Variants in NCKAP5 observed in about 807,000 individuals in gnomAD.
NCKAP5 encodes NCK associated protein 5, also known as nck-associated protein 5.
A neutral mutation model predicts 167.0 loss-of-function variants in NCKAP5; 92 were observed. The ratio of observed to expected loss-of-function variants is 0.55; its 90% CI spans 0.47 to 0.66. The LOEUF is 0.66. Among genes scored for constraint, NCKAP5 ranks in the 30% least tolerant of loss-of-function variants. NCKAP5 has a pLI of 0.00. For synonymous variants in NCKAP5, 891 were observed against 877.4 expected (o/e 1.02, Z -0.27); for missense variants, 2,378 against 2,315.0 (o/e 1.03, Z -0.56).
intron 6 of NCKAP5, among the ~76,000 whole-genome samples, chr2:133,041,663 C>G (rs1247215353): frequency 6.6e-6 from 1 of 151,976 alleles, no homozygotes; most frequent in African/African-American, 2.4e-5. Flanking sequence ...CTTCGTCTGC[C>G]AAATGAACTC....
At position 133,145,593 on chromosome 2, in the gene NCKAP5, G is replaced by C. The variant is rs1272291993; in HGVS notation, c.208-15482C>G. On this transcript the variant is annotated intron_variant, in intron 5 of 19. Coordinates refer to ENST00000409261, the MANE Select transcript of NCKAP5 (RefSeq NM_207363.3). Reference sequence around the variant, plus strand: ...TATATGAGCTGGCCTAGGAGGGGAAGAGTAGTAAGTTTATAATCTAAAATT... The same window carrying C: ...TATATGAGCTGGCCTAGGAGGGGAACAGTAGTAAGTTTATAATCTAAAATT... Among the ~76,000 whole-genome samples the C allele has an allele frequency of 2.6e-5, 4 of 152,200 alleles. 1 individual carries two copies. In the East Asian group the frequency reaches 7.7e-4, roughly 29 times the overall value.
intron 8 of NCKAP5, among the ~76,000 whole-genome samples, chr2:132,915,143 C>T (rs908842414): frequency 2.0e-5 from 3 of 151,952 alleles, no homozygotes; most frequent in Non-Finnish European, 4.4e-5. Context: ...AACCTAAGAC[C>T]GGATGGACCA....
In NCKAP5 at chr2:133,130,021, G is replaced by A. The variant is rs766672267; in HGVS notation, c.298C>T (p.Arg100Cys). 1.3e-4 allele frequency: 217 copies of A among 1,610,898 alleles called. No individual in the cohort carries two copies. The highest frequency in any genetic ancestry group is 1.7e-4 in the Non-Finnish European group (201 of 1,178,878). ...AAGCTACGCATCTGAATTCTGTTGC[G>A]TTCAGACTCTAGGGTCACCTCCTGC... ...RLQEVTLESERNRIQMRSLQQ... is the reference protein window; with the variant it reads ...RLQEVTLESECNRIQMRSLQQ... Residue 100 changes from arginine (R) to cysteine (C), a missense_variant, in exon 6 of 20, where the codon CGC becomes TGC. Physicochemically the swap from Arg to Cys is radical, Grantham distance 180 (BLOSUM62 -3). Around this residue, in one of 3 missense-constraint regions of NCKAP5, gnomAD observed 1,049 missense variants for 1,023.4 expected, o/e 1.02. Transcript: ENST00000409261.
At chr2:133,624,817 A>T in the NCKAP5 span, among the ~76,000 whole-genome samples, 1 of 152,190 alleles carries the variant, frequency 6.6e-6, no homozygotes, top group Non-Finnish European at 1.5e-5. Flanking sequence ...ATCCACATAT[A>T]TATCATATTC....
intron 11 of NCKAP5, among the ~76,000 whole-genome samples, chr2:132,846,055 T>G (rs1688639564): frequency 1.3e-5 from 2 of 152,164 alleles, no homozygotes; most frequent in Admixed American, 1.3e-4. Flanking sequence ...AAATCTTTTC[T>G]CAATTACATT....
intron 2 of NCKAP5, among the ~76,000 whole-genome samples, chr2:133,556,429 A>G (rs1192199211): frequency 1.3e-5 from 2 of 152,188 alleles, no homozygotes; most frequent in African/African-American, 2.4e-5. Context: ...ACTTAATCCT[A>G]CTGATTGGTG....
At chr2:133,093,240 T>C (rs2081246218) in intron 6 of NCKAP5, among the ~76,000 whole-genome samples, 1 of 152,192 alleles carries the variant, frequency 6.6e-6, no homozygotes, top group African/African-American at 2.4e-5. Flanking sequence ...AAACCCTAAG[T>C]ATGTGATGGC....
At chr2:133,022,381 C>T (rs2078557458) in intron 6 of NCKAP5, among the ~76,000 whole-genome samples, 1 of 152,152 alleles carries the variant, frequency 6.6e-6, no homozygotes, top group African/African-American at 2.4e-5. Context: ...GCAGGAAATG[C>T]CATTCCAAAA....
intron 6 of NCKAP5, among the ~76,000 whole-genome samples, chr2:133,121,075 C>T (rs4953874): frequency 0.13 from 19,344 of 151,988 alleles, 1,469 homozygotes; most frequent in East Asian, 0.37. Flanking sequence ...ATTTAGATCA[C>T]TATTAGGAGC....
At chr2:133,443,426 T>C (rs1690980655) in intron 3 of NCKAP5, among the ~76,000 whole-genome samples, 1 of 152,222 alleles carries the variant, frequency 6.6e-6, no homozygotes, top group Admixed American at 6.5e-5. Flanking sequence ...TTGGATGATC[T>C]GGTCATGGCA....
chr2:133,601,772 G>T, the NCKAP5 span, among the ~76,000 whole-genome samples: 1 of 152,032 alleles, frequency 6.6e-6, no homozygotes, highest in Non-Finnish European at 1.5e-5. Context: ...CTACCTTGAA[G>T]AACTTTTTAA....
chr2:133,214,716 T>G (rs1463603578), intron 4 of NCKAP5, among the ~76,000 whole-genome samples: 1 of 151,728 alleles, frequency 6.6e-6, no homozygotes, highest in Non-Finnish European at 1.5e-5. Context: ...CCTAAAATGT[T>G]AGCTTTAGTA....
At chr2:133,306,983 C>A (rs1432708608) in intron 3 of NCKAP5, among the ~76,000 whole-genome samples, 1 of 152,178 alleles carries the variant, frequency 6.6e-6, no homozygotes, top group Non-Finnish European at 1.5e-5. Flanking sequence ...CCACATATCC[C>A]TTGATGTCAG....
Position 133,006,220 on chromosome 2 carries a change from C to T in NCKAP5, c.342-11981G>A, listed in dbSNP as rs751633592. On this transcript the variant is annotated intron_variant, in intron 6 of 19. Transcript: ENST00000409261. ...GTTGCAGTGAGCCGAGATTACACTA[C>T]TGCACTCCAGCCCGGGTGACAGAGT... Among the ~76,000 whole-genome samples, 6 of 152,274 alleles carry T rather than the reference C, an allele frequency of 3.9e-5. No homozygotes were observed. In the East Asian group the frequency reaches 9.7e-4, roughly 25 times the overall value.
intron 8 of NCKAP5, among the ~76,000 whole-genome samples, chr2:132,950,564 ACCACT>A (rs1035108921): frequency 6.6e-6 from 1 of 152,152 alleles, no homozygotes; most frequent in African/African-American, 2.4e-5. Flanking sequence ...ATACCCCGAC[ACCACT>A]TTTGGGGAAA....
the NCKAP5 span, among the ~76,000 whole-genome samples, chr2:133,651,081 T>C: frequency 6.6e-6 from 1 of 152,246 alleles, no homozygotes; most frequent in Admixed American, 6.5e-5. Context: ...AACTCCTAGA[T>C]GAAAACATAG....
At chr2:132,780,260 T>G (rs1682911515) in intron 15 of NCKAP5, among the ~76,000 whole-genome samples, 2 of 152,334 alleles carry the variant, frequency 1.3e-5, no homozygotes, top group East Asian at 3.9e-4. Context: ...CATGCCATTC[T>G]CCTGCCTCAG....
At chr2:133,241,331 C>A (rs939991943) in intron 4 of NCKAP5, among the ~76,000 whole-genome samples, 1 of 152,224 alleles carries the variant, frequency 6.6e-6, no homozygotes, top group Non-Finnish European at 1.5e-5. Context: ...ACTCACATCA[C>A]ATGCTGGAGC....
intron 3 of NCKAP5, among the ~76,000 whole-genome samples, chr2:133,454,295 G>T (rs1382365752): frequency 6.6e-6 from 1 of 151,884 alleles, no homozygotes; most frequent in Non-Finnish European, 1.5e-5. Flanking sequence ...GTAAGTATTT[G>T]GTATAGAATT....
Sources: gnomAD v4.1 joint callset for allele counts (sites outside exome capture counted in the v4.1 genomes callset) on GRCh38, gnomAD v4.1.1 for gene constraint, gnomAD v4.1.1 regional missense constraint, MANE v1.5 for transcripts, NCBI Gene and HGNC (gene_info 2026-07-23, HGNC 2026-07-21) for gene names.